The following BDNF variants were observed in gnomAD, a reference collection of about 807,000 sequenced individuals.
BDNF encodes brain derived neurotrophic factor, also known as neurotrophic factor BDNF precursor form.
Under a neutral mutation model 19.5 loss-of-function variants are expected in BDNF, and 1 was observed. The ratio of observed to expected loss-of-function variants is 0.05; its 90% CI spans 0.02 to 0.24. The LOEUF (loss-of-function observed/expected upper bound fraction) is 0.24, where lower values mean the gene tolerates loss of function less well. Ranked by LOEUF, BDNF falls within the 10% of genes least tolerant of loss-of-function variation. The pLI, the probability that BDNF is intolerant of heterozygous loss-of-function variation, is 1.00. For missense variants in BDNF, 195 were observed against 317.6 expected, an observed-to-expected ratio of 0.61 and a Z score of 2.93; for synonymous variants, 100 against 121.6, an observed-to-expected ratio of 0.82 and a Z score of 1.17.
intron 1 of BDNF, among the ~76,000 whole-genome samples, chr11:27,680,846 A>T (rs889101146): frequency 6.6e-6 from 1 of 152,182 alleles, no homozygotes. Flanking sequence ...GTAATCAATT[A>T]TCTTCCTTCT....
upstream of BDNF, chr11:27,701,404 A>G: frequency 9.7e-7 from 1 of 1,035,804 alleles, no homozygotes; most frequent in South Asian, 3.6e-5. Flanking sequence ...CCTTCGCTTA[A>G]TTAAAGGGGG....
chr11:27,700,463 G>A (rs866863063), upstream of BDNF: 4 of 983,438 alleles, frequency 4.1e-6, no homozygotes, highest in African/African-American at 7.1e-5. Flanking sequence ...TGCGCCTTGC[G>A]CCCGGGTCAG....
At chr11:27,680,006 G>A (rs1231266380) in intron 1 of BDNF, among the ~76,000 whole-genome samples, 1 of 152,220 alleles carries the variant, frequency 6.6e-6, no homozygotes, top group African/African-American at 2.4e-5. Flanking sequence ...CTGTGGCGAG[G>A]TTATTTAGGA....
At chr11:27,697,486 C>A (rs1400107331) in intron 1 of BDNF, 1 of 152,150 alleles carries the variant, frequency 6.6e-6, no homozygotes, top group East Asian at 1.9e-4. Context: ...AGGATTTTCC[C>A]TCCTGGTGAG....
intron 1 of BDNF, among the ~76,000 whole-genome samples, chr11:27,673,854 C>G (rs147316983): frequency 2.3e-4 from 35 of 151,848 alleles, no homozygotes; most frequent in African/African-American, 7.0e-4. Flanking sequence ...ATGAAGGGAC[C>G]GCACTAGATT....
At chr11:27,702,900 C>G (rs1251400274), upstream of BDNF, among the ~76,000 whole-genome samples, 1 of 152,174 alleles carries the variant, frequency 6.6e-6, no homozygotes, top group Non-Finnish European at 1.5e-5. Flanking sequence ...CCATCTCCCC[C>G]ACCCCCTAAG....
At chr11:27,663,225 G>C (rs745661169) in intron 1 of BDNF, among the ~76,000 whole-genome samples, 1 of 152,094 alleles carries the variant, frequency 6.6e-6, no homozygotes, top group South Asian at 2.1e-4. Context: ...AGATAAAGAG[G>C]CTGTGTAATA....
chr11:27,701,457 T>C (rs1411909601), upstream of BDNF: 25 of 996,592 alleles, frequency 2.5e-5, no homozygotes, highest in African/African-American at 1.2e-4. Flanking sequence ...ACTCCTTCTG[T>C]TCTGCAGCAA....
chr11:27,681,463 G>A (rs921412999), intron 1 of BDNF, among the ~76,000 whole-genome samples: 7 of 152,004 alleles, frequency 4.6e-5, no homozygotes, highest in African/African-American at 1.4e-4. Context: ...CAAATTATGA[G>A]GTACAGACCA....
intron 1 of BDNF, chr11:27,720,277 C>G (rs1013870253): frequency 8.3e-6 from 8 of 967,880 alleles, no homozygotes; most frequent in Middle Eastern, 5.2e-4. Context: ...ACCACGCGTC[C>G]TCTCCGGAAG....
chr11:27,705,357 G>A (rs1445067580), upstream of BDNF, among the ~76,000 whole-genome samples: 2 of 152,118 alleles, frequency 1.3e-5, no homozygotes, highest in Non-Finnish European at 2.9e-5. Flanking sequence ...TGAATCAGAT[G>A]AAAGATGAAC....
intron 1 of BDNF, among the ~76,000 whole-genome samples, chr11:27,709,809 C>A (rs1860257320): frequency 6.6e-6 from 1 of 152,206 alleles, no homozygotes; most frequent in South Asian, 2.1e-4. Context: ...GGGCTACAAA[C>A]TGAGTTTGCT....
At chr11:27,684,385 GC>G in intron 1 of BDNF, among the ~76,000 whole-genome samples, 1 of 152,168 alleles carries the variant, frequency 6.6e-6, no homozygotes, top group East Asian at 1.9e-4. Flanking sequence ...ATTTGAATAT[GC>G]TTTATTTCTT....
intron 1 of BDNF, among the ~76,000 whole-genome samples, chr11:27,708,971 G>A (rs1804058564): frequency 6.6e-6 from 1 of 151,822 alleles, no homozygotes; most frequent in Non-Finnish European, 1.5e-5. Flanking sequence ...TGGGATTACA[G>A]GCATGCGCCA....
chr11:27,706,887 T>A (rs1023370201), intron 1 of BDNF, among the ~76,000 whole-genome samples: 2 of 152,242 alleles, frequency 1.3e-5, no homozygotes, highest in African/African-American at 4.8e-5. Flanking sequence ...AGCTTTTAAA[T>A]GAAGCATTAT....
chr11:27,677,221 T>C (rs1171194530), intron 1 of BDNF: 1 of 152,222 alleles, frequency 6.6e-6, no homozygotes. Flanking sequence ...GGTCTTCTCA[T>C]ACACTAAAGG....
chr11:27,695,510 G>A (rs1821201955), intron 1 of BDNF, among the ~76,000 whole-genome samples: 1 of 152,074 alleles, frequency 6.6e-6, no homozygotes, highest in Non-Finnish European at 1.5e-5. Flanking sequence ...CAGACCAAAG[G>A]AACCAAGATG....
At chr11:27,700,519 C>CG, upstream of BDNF, 2 of 759,764 alleles carry the variant, frequency 2.6e-6, no homozygotes, top group Non-Finnish European at 2.9e-6. Context: ...CAAACGGCGC[C>CG]GCCCCCCCCC....
chr11:27,702,135 A>G (rs1859932260), upstream of BDNF, among the ~76,000 whole-genome samples: 1 of 152,206 alleles, frequency 6.6e-6, no homozygotes, highest in African/African-American at 2.4e-5. Context: ...TCTGCTTTAA[A>G]GCTGAATTTT....
Sources: gnomAD v4.1 joint callset for allele counts (sites outside exome capture counted in the v4.1 genomes callset) on GRCh38, gnomAD v4.1.1 for gene constraint, MANE v1.5 for transcripts, NCBI Gene and HGNC (gene_info 2026-07-23, HGNC 2026-07-21) for gene names.